Variants in RBFOX1 observed in about 807,000 individuals in gnomAD.
The protein encoded by RBFOX1 is RNA binding protein fox-1 homolog 1.
RBFOX1 carries 8 observed loss-of-function variants against 57.7 expected under a neutral mutation model. That is an observed-to-expected ratio of 0.14 (90% CI 0.08 to 0.25). The LOEUF (loss-of-function observed/expected upper bound fraction) is 0.25. RBFOX1 is among the 10% of genes least tolerant of loss of function. The pLI, the probability that RBFOX1 is intolerant of heterozygous loss-of-function variation, is 1.00. For missense variants in RBFOX1, 611 were observed against 548.5 expected, an observed-to-expected ratio of 1.11 and a Z score of -1.14; for synonymous variants, 326 against 222.4, an observed-to-expected ratio of 1.47 and a Z score of -4.15.
At chr16:5,302,342 G>T (rs891980302) in intron 1 of RBFOX1, among the ~76,000 whole-genome samples, 3 of 152,110 alleles carry the variant, frequency 2.0e-5, no homozygotes, top group Admixed American at 1.3e-4. Flanking sequence ...CTAGCTTTAT[G>T]GAGCAGCAGC....
intron 3 of RBFOX1, among the ~76,000 whole-genome samples, chr16:6,953,066 C>T (rs114048675): frequency 0.017 from 2,659 of 152,132 alleles, 82 homozygotes; most frequent in African/African-American, 0.061. Flanking sequence ...TTGCAGGTGG[C>T]GAAACCAAGC....
intron 3 of RBFOX1, among the ~76,000 whole-genome samples, chr16:6,856,373 A>C (rs922898211): frequency 6.6e-6 from 1 of 152,098 alleles, no homozygotes. Context: ...TGAGTAGACT[A>C]TGTCTCCTTG....
chr16:6,406,580 T>A (rs1353160026), intron 2 of RBFOX1, among the ~76,000 whole-genome samples: 1 of 120,828 alleles, frequency 8.3e-6, no homozygotes, highest in African/African-American at 5.5e-5. Context: ...AGTCGAACAT[T>A]TTTTTTTTTT....
rs555869865 is a variant in RBFOX1, at chr16:5,845,580, C to T, written c.319-21723C>T. Among the ~76,000 whole-genome samples the T allele has an allele frequency of 5.1e-4, 78 of 152,306 alleles. 1 individual carries two copies. In the South Asian group the frequency reaches 0.016, roughly 31 times the overall value. On this transcript the variant is annotated intron_variant, in intron 3 of 19. Transcript: ENST00000641259. ...TGATGACCCGGGGCAGGTGGCCGAG[C>T]TTCTTCAAATTTCACTGTGCTTTTC...
At chr16:5,748,749 T>G (rs2053079733) in intron 3 of RBFOX1, among the ~76,000 whole-genome samples, 1 of 152,176 alleles carries the variant, frequency 6.6e-6, no homozygotes, top group South Asian at 2.1e-4. Flanking sequence ...CCCTTTATTT[T>G]GAGCCTATGT....
chr16:5,887,152 C>A (rs1350598606), intron 4 of RBFOX1, among the ~76,000 whole-genome samples: 1 of 152,120 alleles, frequency 6.6e-6, no homozygotes, highest in Non-Finnish European at 1.5e-5. Flanking sequence ...GAGTAACTTG[C>A]TTTAGAGTCA....
chr16:6,970,616 G>A lies in RBFOX1; in HGVS notation c.-15-81441G>A, dbSNP rs532927324. Among the ~76,000 whole-genome samples, 64 of 152,268 alleles carry A rather than the reference G, an allele frequency of 4.2e-4. 2 individuals carry two copies. In the South Asian group the frequency reaches 0.012, roughly 30 times the overall value. On this transcript the variant is annotated intron_variant, in intron 3 of 15. Coordinates refer to ENST00000550418, the MANE Select transcript of RBFOX1 (RefSeq NM_018723.4). ...TGGAAGGGAAAAAGCACTCCCTCCT[G>A]CCTCTTTTGGAAGGGCACTAATCCC...
At chr16:5,534,329 A>G (rs1194650105) in intron 2 of RBFOX1, among the ~76,000 whole-genome samples, 1 of 152,200 alleles carries the variant, frequency 6.6e-6, no homozygotes, top group Admixed American at 6.5e-5. Context: ...GAATTGACTC[A>G]TACGATCAGA....
At chr16:6,446,722 A>G (rs1293529250) in intron 2 of RBFOX1, among the ~76,000 whole-genome samples, 1 of 152,226 alleles carries the variant, frequency 6.6e-6, no homozygotes, top group Non-Finnish European at 1.5e-5. Context: ...AGAGTTAGTT[A>G]TATTTACTAT....
intron 4 of RBFOX1, among the ~76,000 whole-genome samples, chr16:5,951,744 C>T (rs1410143244): frequency 6.6e-6 from 1 of 152,074 alleles, no homozygotes; most frequent in African/African-American, 2.4e-5. Context: ...CCCTTACTTA[C>T]TGCACGTTTG....
At chr16:5,398,938 G>A (rs1270616156) in intron 1 of RBFOX1, among the ~76,000 whole-genome samples, 1 of 152,188 alleles carries the variant, frequency 6.6e-6, no homozygotes, top group Non-Finnish European at 1.5e-5. Flanking sequence ...AGGTGGCTGC[G>A]ATTGGTGTCT....
chr16:6,773,138 C>A (rs1330871006), intron 3 of RBFOX1, among the ~76,000 whole-genome samples: 2 of 71,900 alleles, frequency 2.8e-5, no homozygotes, highest in Non-Finnish European at 5.3e-5. Flanking sequence ...GTGTGGGGTG[C>A]ATTTGTGTTT....
At chr16:6,971,868 A>G (rs1378411250) in intron 3 of RBFOX1, among the ~76,000 whole-genome samples, 1 of 152,142 alleles carries the variant, frequency 6.6e-6, no homozygotes, top group Non-Finnish European at 1.5e-5. Flanking sequence ...AATTCCCTGC[A>G]GTGATCCGCT....
At chr16:6,022,989 G>A (rs1051083700) in intron 1 of RBFOX1, among the ~76,000 whole-genome samples, 1 of 152,072 alleles carries the variant, frequency 6.6e-6, no homozygotes, top group African/African-American at 2.4e-5. Context: ...AGGGATTCGG[G>A]GATCTAAAAT....
At chr16:7,263,309 G>T (rs540229411) in intron 4 of RBFOX1, among the ~76,000 whole-genome samples, 1 of 152,170 alleles carries the variant, frequency 6.6e-6, no homozygotes, top group Non-Finnish European at 1.5e-5. Flanking sequence ...GACCTGTTTG[G>T]CCCTTCAGGT....
At chr16:7,508,131 C>T (rs892138569) in intron 4 of RBFOX1, among the ~76,000 whole-genome samples, 4 of 152,060 alleles carry the variant, frequency 2.6e-5, no homozygotes, top group Non-Finnish European at 5.9e-5. Context: ...GGATTACAGG[C>T]ACCTGCCACA....
At chr16:7,640,257 T>C (rs2062546156) in intron 11 of RBFOX1, among the ~76,000 whole-genome samples, 1 of 152,218 alleles carries the variant, frequency 6.6e-6, no homozygotes, top group Non-Finnish European at 1.5e-5. Context: ...AAACCACTAG[T>C]AGAACCTCTC....
intron 2 of RBFOX1, among the ~76,000 whole-genome samples, chr16:6,331,459 G>T (rs533854335): frequency 1.3e-5 from 2 of 151,818 alleles, no homozygotes; most frequent in East Asian, 3.9e-4. Context: ...GGGAGGGAAG[G>T]ATGACATTGG....
At chr16:7,537,863 T>C (rs1222046533) in intron 5 of RBFOX1, among the ~76,000 whole-genome samples, 1 of 152,216 alleles carries the variant, frequency 6.6e-6, no homozygotes, top group African/African-American at 2.4e-5. Context: ...TTAATTTCCA[T>C]CATACATAAT....
Sources: gnomAD v4.1 joint callset for allele counts (sites outside exome capture counted in the v4.1 genomes callset) on GRCh38, gnomAD v4.1.1 for gene constraint, MANE v1.5 for transcripts, NCBI Gene and HGNC (gene_info 2026-07-23, HGNC 2026-07-21) for gene names.